Variants in PCDHAC2 observed in about 807,000 individuals in gnomAD.
PCDHAC2 encodes protocadherin alpha-C2.
A neutral mutation model predicts 63.3 loss-of-function variants in PCDHAC2; 24 were observed. The ratio of observed to expected loss-of-function variants is 0.38; its 90% CI spans 0.27 to 0.53. The LOEUF (loss-of-function observed/expected upper bound fraction) is 0.53, where lower values mean the gene tolerates loss of function less well. Ranked by LOEUF, PCDHAC2 falls within the 20% of genes least tolerant of loss-of-function variation. The pLI, the probability that PCDHAC2 is intolerant of heterozygous loss-of-function variation, is 0.81. For missense variants in PCDHAC2, 1,181 were observed against 1,275.2 expected, an observed-to-expected ratio of 0.93 and a Z score of 1.12; for synonymous variants, 569 against 529.4, an observed-to-expected ratio of 1.07 and a Z score of -1.03.
At position 141,009,798 on chromosome 5, in the gene PCDHAC2, A is replaced by T; in HGVS notation, c.2885A>T (p.Asn962Ile). 1 of 1,614,116 alleles carries T rather than the reference A, an allele frequency of 6.2e-7. No individual in the cohort carries two copies. The highest frequency in any genetic ancestry group is 2.2e-5 in the East Asian group (1 of 44,868). Residue 962 changes from asparagine (N) to isoleucine (I), a missense_variant, in exon 4 of 4, where the codon AAC (asparagine) becomes ATC (isoleucine). Asn to Ile is a moderately radical substitution (Grantham distance 149). Coordinates refer to ENST00000289269, the MANE Select transcript of PCDHAC2 (RefSeq NM_018899.6). The stretch of plus-strand genomic sequence containing the variant: ...ATCTCCATCCGGCAGGAGCCTACTA[A>T]CAGCCAAATTGACAAAAGTGACTTC... Reference protein sequence around the residue: ...AIISIRQEPTNSQIDKSDFIT... With the variant: ...AIISIRQEPTISQIDKSDFIT...
At chr5:140,987,452 A>C (rs1430622755) in intron 3 of PCDHAC2, among the ~76,000 whole-genome samples, 2 of 152,076 alleles carry the variant, frequency 1.3e-5, no homozygotes, top group Non-Finnish European at 2.9e-5. Context: ...CCCGAGAGAT[A>C]ATTGTTAAGA....
chr5:140,976,550 CATAA>C (rs782672542), intron 1 of PCDHAC2, among the ~76,000 whole-genome samples: 4 of 151,944 alleles, frequency 2.6e-5, no homozygotes, highest in South Asian at 2.1e-4. Flanking sequence ...GACCCTATCT[CATAA>C]ATAAATAAAT....
chr5:140,966,886 G>T lies in PCDHAC2; in HGVS notation c.120G>T (p.Ala40=). ...LLLLLLLPGP[A]ASQLRYSVPE... ...TGCTGCTGCTGCTACCTGGCCCTGCGGCCTCCCAGCTGCGATACTCTGTGC... is the reference window on the plus strand; with the variant it reads ...TGCTGCTGCTGCTACCTGGCCCTGCTGCCTCCCAGCTGCGATACTCTGTGC... The change falls in exon 1 of 4, where the codon GCG becomes GCT. Residue 40 remains alanine (A), a synonymous_variant. Transcript: ENST00000289269. 1 of 1,592,132 alleles carries T rather than the reference G, an allele frequency of 6.3e-7. No homozygotes were observed.
chr5:140,998,228 T>G (rs528236708), intron 3 of PCDHAC2, among the ~76,000 whole-genome samples: 1 of 152,288 alleles, frequency 6.6e-6, no homozygotes, highest in East Asian at 1.9e-4. Flanking sequence ...ACCCAGAAAT[T>G]TGTGCATTAT....
chr5:140,969,823 T>C (rs782195981), intron 1 of PCDHAC2, among the ~76,000 whole-genome samples: 3 of 152,248 alleles, frequency 2.0e-5, no homozygotes, highest in Non-Finnish European at 4.4e-5. Context: ...CTCTGGACTG[T>C]CTACAGTGGA....
In PCDHAC2 at chr5:141,009,853, G is replaced by A. The variant is rs1482682626; in HGVS notation, c.2940G>A (p.Lys980=). The change falls in exon 4 of 4, where the codon AAG becomes AAA. Residue 980 remains lysine (K), a synonymous_variant. Transcript: ENST00000289269. ...FITFGKKEET[K]KKKKKKKGNK... ...CCTTCGGCAAAAAGGAGGAGACCAAGAAAAAGAAGAAAAAGAAGAAGGGTA... is the reference window on the plus strand; with the variant it reads ...CCTTCGGCAAAAAGGAGGAGACCAAAAAAAAGAAGAAAAAGAAGAAGGGTA... 12 of 1,613,590 alleles carry A rather than the reference G, an allele frequency of 7.4e-6. No individual in the cohort carries two copies. Among genetic ancestry groups the A allele is most frequent in the Non-Finnish European group, 1.0e-5 (12 of 1,179,924 alleles).
At chr5:140,989,996 A>G (rs1554251207) in intron 3 of PCDHAC2, among the ~76,000 whole-genome samples, 1 of 152,144 alleles carries the variant, frequency 6.6e-6, no homozygotes, top group Non-Finnish European at 1.5e-5. Context: ...GAAATTGTCT[A>G]TCTCCAAGGG....
intron 2 of PCDHAC2, among the ~76,000 whole-genome samples, chr5:140,980,947 G>T (rs1430215851): frequency 6.6e-6 from 1 of 152,032 alleles, no homozygotes; most frequent in Non-Finnish European, 1.5e-5. Context: ...GCTGGCTCCA[G>T]GATAGTTACA....
In PCDHAC2 at chr5:140,968,125, TAC is replaced by T; in HGVS notation, c.1362_1363del (p.Leu455GlufsTer3). 1 of 1,614,174 alleles carries T rather than the reference TAC, an allele frequency of 6.2e-7. No individual in the cohort carries two copies. Among genetic ancestry groups the T allele is most frequent in the Non-Finnish European group, 8.5e-7 (1 of 1,180,034 alleles). ...GGIPQLTSLR[T>X]LKVEISDIND... Reference sequence around the variant, plus strand: ...GAATACCGCAGCTCACATCCCTGCGTACACTGAAGGTTGAGATCTCTGACATC... The same window carrying T: ...GAATACCGCAGCTCACATCCCTGCGTACTGAAGGTTGAGATCTCTGACATC... On this transcript the variant is annotated frameshift_variant, in exon 1 of 4. Coordinates refer to ENST00000289269, the MANE Select transcript of PCDHAC2 (RefSeq NM_018899.6). LOFTEE classifies it high-confidence loss of function.
intron 3 of PCDHAC2, among the ~76,000 whole-genome samples, chr5:140,990,902 C>G (rs2097421729): frequency 6.6e-6 from 1 of 152,112 alleles, no homozygotes; most frequent in African/African-American, 2.4e-5. Flanking sequence ...GTTGCTGGGT[C>G]AAGTTTTATA....
intron 3 of PCDHAC2, among the ~76,000 whole-genome samples, chr5:140,991,033 T>C (rs2097428117): frequency 6.6e-6 from 1 of 152,212 alleles, no homozygotes; most frequent in African/African-American, 2.4e-5. Context: ...ATATGTTGCA[T>C]ACTTAACTTT....
intron 3 of PCDHAC2, among the ~76,000 whole-genome samples, chr5:140,997,793 T>G (rs2097785892): frequency 6.6e-6 from 1 of 152,112 alleles, no homozygotes; most frequent in Non-Finnish European, 1.5e-5. Context: ...ATATTATAAT[T>G]TATCCAATTT....
chr5:140,972,957 C>T (rs369707081), intron 1 of PCDHAC2, among the ~76,000 whole-genome samples: 1 of 152,054 alleles, frequency 6.6e-6, no homozygotes, highest in East Asian at 1.9e-4. Context: ...CCACCATGCC[C>T]GGCAAAGGAA....
rs369514758 is a variant in PCDHAC2, at chr5:140,967,876, G to C, written c.1110G>C (p.Leu370=). ...CCCCAGAGGTGGTGCTCACGGACCT[G>C]TATAGCCCAGTGCCTGAGAATGCTA... The part of the protein sequence containing the change: ...DNAPEVVLTD[L]YSPVPENATP... Residue 370 remains leucine, a synonymous_variant, in exon 1 of 4, where the codon CTG becomes CTC. Transcript: ENST00000289269. The C allele has an allele frequency of 6.2e-7, 1 of 1,614,144 alleles. No homozygotes were observed. The highest frequency in any genetic ancestry group is 8.5e-7 in the Non-Finnish European group (1 of 1,180,032).
chr5:140,973,331 TGTAAAGTGACATAGTA>T (rs782725271), intron 1 of PCDHAC2, among the ~76,000 whole-genome samples: 2 of 152,218 alleles, frequency 1.3e-5, no homozygotes, highest in Non-Finnish European at 2.9e-5. Context: ...TTACACTCGT[TGTAAAGTGACATAGTA>T]GTGAATTTAT....
chr5:141,003,574 A>T (rs559561339), intron 3 of PCDHAC2, among the ~76,000 whole-genome samples: 1 of 151,680 alleles, frequency 6.6e-6, no homozygotes, highest in African/African-American at 2.4e-5. Context: ...CAGACTCCCA[A>T]AGTGCTGGGA....
intron 3 of PCDHAC2, among the ~76,000 whole-genome samples, chr5:140,989,704 A>G (rs1011656518): frequency 9.2e-5 from 14 of 152,202 alleles, no homozygotes; most frequent in Admixed American, 9.2e-4. Context: ...TTTTATCTTC[A>G]GAGGCAGTCA....
intron 1 of PCDHAC2, 37 bp downstream of exon 1, chr5:140,969,368 G>A: frequency 6.2e-7 from 1 of 1,608,874 alleles, no homozygotes; most frequent in Non-Finnish European, 8.5e-7. Flanking sequence ...ACAAACTCAT[G>A]CATTTGTTAC....
chr5:140,978,575 G>A (rs2096810585), intron 1 of PCDHAC2, among the ~76,000 whole-genome samples: 1 of 152,202 alleles, frequency 6.6e-6, no homozygotes, highest in African/African-American at 2.4e-5. Flanking sequence ...ATACTGAATT[G>A]GGAATGTTCC....
Sources: allele counts gnomAD v4.1 joint callset (sites outside exome capture counted in the v4.1 genomes callset), GRCh38; gene constraint gnomAD v4.1.1; transcripts MANE v1.5; gene names NCBI Gene and HGNC (gene_info 2026-07-23, HGNC 2026-07-21).